SLC25A30: variants seen among roughly 807,000 people sequenced by gnomAD.
SLC25A30 encodes the protein solute carrier family 25 member 30, also known as kidney mitochondrial carrier protein 1.
Under a neutral mutation model 42.7 loss-of-function variants are expected in SLC25A30, and 29 were observed. The observed-to-expected ratio is 0.68, with a 90% CI of 0.51 to 0.93. The LOEUF (loss-of-function observed/expected upper bound fraction) is 0.93. SLC25A30 is among the 40% of genes least tolerant of loss of function. The pLI is 0.00. For missense variants in SLC25A30, 300 were observed against 359.7 expected (o/e 0.83, Z 1.34); for synonymous variants, 124 against 131.0 (o/e 0.95, Z 0.37).
intron 9 of SLC25A30, chr13:45,396,917 G>A (rs1355027250): frequency 4.3e-6 from 1 of 234,212 alleles, no homozygotes; most frequent in Non-Finnish European, 8.2e-6. Context: ...AGACACTGTT[G>A]CCAACCACAT....
At chr13:45,406,022 C>T in intron 3 of SLC25A30, 45 bp from the exon 4 acceptor site, 2 of 1,583,440 alleles carry the variant, frequency 1.3e-6, no homozygotes, top group Non-Finnish European at 1.7e-6. Flanking sequence ...CTAAAAATCA[C>T]TTAACATCGG....
chr13:45,424,226 T>C, the SLC25A30 span, among the ~76,000 whole-genome samples: 1 of 89,262 alleles, frequency 1.1e-5, no homozygotes, highest in African/African-American at 4.7e-5. Context: ...TATATAAATA[T>C]ATGTAAATAT....
Position 45,405,938 on chromosome 13 carries a change from G to C in SLC25A30, c.252C>G (p.Thr84=), listed in dbSNP as rs778070514. ...PAMLRQASYG[T]IKIGTYQSLK... ...AGCTCTGGTAAGTGCCTATCTTGATGGTGCCATAGGATGCCTGGCGTAACA... is the reference window on the plus strand; with the variant it reads ...AGCTCTGGTAAGTGCCTATCTTGATCGTGCCATAGGATGCCTGGCGTAACA... Residue 84 remains threonine, a synonymous_variant, in exon 4 of 10, where the codon ACC becomes ACG. Coordinates refer to ENST00000519676, the MANE Select transcript of SLC25A30 (RefSeq NM_001010875.4). 6.2e-7 allele frequency: 1 copy of C among 1,614,208 alleles called. No individual in the cohort carries two copies. The highest frequency in any genetic ancestry group is 1.1e-5 in the South Asian group (1 of 91,086).
chr13:45,406,872 T>TC (rs926827692), intron 3 of SLC25A30, among the ~76,000 whole-genome samples: 2 of 152,218 alleles, frequency 1.3e-5, no homozygotes, highest in Non-Finnish European at 2.9e-5. Flanking sequence ...CCTACCTGTG[T>TC]CTGCTGGGGT....
At chr13:45,406,087 A>C in intron 3 of SLC25A30, 110 bp from the exon 4 acceptor site, 1 of 932,754 alleles carries the variant, frequency 1.1e-6, no homozygotes, top group Non-Finnish European at 1.6e-6. Flanking sequence ...TCTCTAAAAC[A>C]ATTTTTTTTT....
At chr13:45,420,771 GCTCACTGCAGCCTCGAACTCCTATA>G (rs1189185590), upstream of SLC25A30, among the ~76,000 whole-genome samples, 10 of 152,228 alleles carry the variant, frequency 6.6e-5, 1 homozygote, top group African/African-American at 2.4e-4. Flanking sequence ...CCCAGTCACA[GCTCACTGCAGCCTCGAACTCCTATA>G]CTCAAGCAAT....
At chr13:45,408,347 T>A (rs1882703787) in intron 3 of SLC25A30, among the ~76,000 whole-genome samples, 1 of 152,070 alleles carries the variant, frequency 6.6e-6, no homozygotes, top group Non-Finnish European at 1.5e-5. Context: ...TTGGCTCAAT[T>A]AAAAAAACAA....
At chr13:45,423,557 A>G in the SLC25A30 span, among the ~76,000 whole-genome samples, 1 of 113,006 alleles carries the variant, frequency 8.8e-6, no homozygotes, top group South Asian at 2.6e-4. Context: ...AATACATAAA[A>G]AAAATATATA....
Position 45,393,722 on chromosome 13 carries a change from CAA to C in SLC25A30, c.*2250_*2251del. 6.1e-6 allele frequency: 6 copies of C among 985,268 alleles called. No homozygotes were observed. Among genetic ancestry groups the C allele is most frequent in the Non-Finnish European group, 7.2e-6 (6 of 829,882 alleles). 61.0% of individuals were successfully genotyped at this position (985,268 alleles called of 1,614,324 possible). A position where few individuals can be genotyped will look rare whatever the true frequency, so the allele number is the denominator to read the frequency against. ...GCTTCAACAATTGCATTAACTCTTT[CAA>C]AAAAACAGAAAAAGCAGGTTAAGAT... On this transcript the variant is annotated 3_prime_UTR_variant, in exon 10 of 10. Coordinates refer to ENST00000519676, the MANE Select transcript of SLC25A30 (RefSeq NM_001010875.4).
chr13:45,419,079 C>T (rs1593637554), upstream of SLC25A30, among the ~76,000 whole-genome samples: 1 of 121,942 alleles, frequency 8.2e-6, no homozygotes, highest in Non-Finnish European at 1.6e-5. Flanking sequence ...TGCAGTGAGC[C>T]AAGATCGCGC....
chr13:45,395,931 A>G lies in SLC25A30; in HGVS notation c.*43T>C. ...AACACAGGAAGCTTTGCTGTTTCAGAAGTTACCATTTTCAGAAAGATGTCT... is the reference window on the plus strand; with the variant it reads ...AACACAGGAAGCTTTGCTGTTTCAGGAGTTACCATTTTCAGAAAGATGTCT... On this transcript the variant is annotated 3_prime_UTR_variant, in exon 10 of 10. Coordinates refer to ENST00000519676, the MANE Select transcript of SLC25A30 (RefSeq NM_001010875.4). 6.2e-7 allele frequency: 1 copy of G among 1,614,154 alleles called. No individual in the cohort carries two copies. Among genetic ancestry groups the G allele is most frequent in the South Asian group, 1.1e-5 (1 of 91,080 alleles).
intron 7 of SLC25A30, among the ~76,000 whole-genome samples, chr13:45,400,749 G>A (rs1043455635): frequency 7.2e-5 from 11 of 151,980 alleles, no homozygotes; most frequent in Admixed American, 1.3e-4. Flanking sequence ...CTCCTGCCTC[G>A]GCCTTCCAAA....
chr13:45,407,396 G>T (rs1882618920), intron 3 of SLC25A30, among the ~76,000 whole-genome samples: 1 of 151,858 alleles, frequency 6.6e-6, no homozygotes, highest in Non-Finnish European at 1.5e-5. Flanking sequence ...GTGTGTGTGT[G>T]TTTGTGTGTG....
At chr13:45,400,154 G>T (rs1221430909) in intron 7 of SLC25A30, among the ~76,000 whole-genome samples, 1 of 151,778 alleles carries the variant, frequency 6.6e-6, no homozygotes, top group African/African-American at 2.4e-5. Context: ...GCCGGCAATG[G>T]CTGACACCTG....
chr13:45,424,710 C>G, the SLC25A30 span, among the ~76,000 whole-genome samples: 1 of 40,678 alleles, frequency 2.5e-5, no homozygotes, highest in African/African-American at 9.1e-5. Context: ...TATATAAATA[C>G]ATATATAAAT....
At chr13:45,432,690 A>T in the SLC25A30 span, among the ~76,000 whole-genome samples, 1 of 151,874 alleles carries the variant, frequency 6.6e-6, no homozygotes, top group Non-Finnish European at 1.5e-5. Flanking sequence ...TATTATGGCC[A>T]GGTATATCTA....
At position 45,405,831 on chromosome 13, in the gene SLC25A30, AAGAC is replaced by A. The variant is rs1001067186; in HGVS notation, c.307+48_307+51del. The A allele has an allele frequency of 1.3e-5, 21 of 1,556,746 alleles. No homozygotes were observed. The African/African-American group carries it at 2.2e-4, about 16-fold the overall frequency. On this transcript the variant is annotated intron_variant, in intron 4 of 9. Transcript: ENST00000519676. ...CCTGCTCCAAAACCACTTGAATAAA[AAGAC>A]AGACAACCAACCTCCTGTCCACAGT...
At chr13:45,396,203 G>A in intron 9 of SLC25A30, 188 bp from the exon 10 acceptor site, 2 of 1,455,960 alleles carry the variant, frequency 1.4e-6, no homozygotes, top group Non-Finnish European at 9.0e-7. Context: ...GCTTGGAGCA[G>A]AAAGATCACA....
intron 8 of SLC25A30, 181 bp from the exon 9 acceptor site, chr13:45,397,519 T>C (rs552035646): frequency 3.0e-5 from 14 of 464,900 alleles, no homozygotes; most frequent in African/African-American, 1.0e-4. Context: ...AGTGAAACCC[T>C]GTCTCTACTA....
Sources: gnomAD v4.1 joint callset for allele counts (sites outside exome capture counted in the v4.1 genomes callset) on GRCh38, gnomAD v4.1.1 for gene constraint, MANE v1.5 for transcripts, NCBI Gene and HGNC (gene_info 2026-07-23, HGNC 2026-07-21) for gene names.